Variants in SLC12A7 observed in about 807,000 individuals in gnomAD.
SLC12A7 encodes K-Cl cotransporter 4.
In SLC12A7, 100 loss-of-function variants were observed where a neutral mutation model predicts 120.6. That is an observed-to-expected ratio of 0.83 (90% CI 0.71 to 0.98). SLC12A7 has a LOEUF of 0.98. Among genes scored for constraint, SLC12A7 ranks in the 50% least tolerant of loss-of-function variants. The probability of loss-of-function intolerance (pLI) is 0.00; values close to 1 mark genes in which losing one functional copy is unlikely to be tolerated. For missense variants in SLC12A7, 1,373 were observed against 1,548.1 expected (o/e 0.89, Z 1.90); for synonymous variants, 760 against 678.0 (o/e 1.12, Z -1.88).
chr5:1,111,349 C>G (rs1008625684), intron 1 of SLC12A7, among the ~76,000 whole-genome samples: 1 of 152,168 alleles, frequency 6.6e-6, no homozygotes, highest in Non-Finnish European at 1.5e-5. Context: ...CCCTCCCCAG[C>G]CAGGGCGCAG....
intron 20 of SLC12A7, among the ~76,000 whole-genome samples, chr5:1,060,686 C>T (rs770248755): frequency 1.3e-5 from 2 of 152,180 alleles, no homozygotes; most frequent in Non-Finnish European, 1.5e-5. Flanking sequence ...CCCCGGGACC[C>T]TCCGACCGGG....
chr5:1,063,836 G>C lies in SLC12A7; in HGVS notation c.2739+8C>G. ...CCGGCCTCCTCCCCTCAAGCCCTCGGGACTCACCATCTCCACCACCTCCAC... is the reference window on the plus strand; with the variant it reads ...CCGGCCTCCTCCCCTCAAGCCCTCGCGACTCACCATCTCCACCACCTCCAC... On this transcript the variant is annotated splice_region_variant and intron_variant, in intron 20 of 23. Transcript: ENST00000264930. The C allele has an allele frequency of 7.6e-7, 1 of 1,319,918 alleles. No individual in the cohort carries two copies. The highest frequency in any genetic ancestry group is 1.0e-6 in the Non-Finnish European group (1 of 965,922). 81.8% of individuals were successfully genotyped at this position (1,319,918 alleles called of 1,614,324 possible).
the SLC12A7 span, among the ~76,000 whole-genome samples, chr5:1,121,859 C>A: frequency 6.6e-6 from 1 of 152,180 alleles, no homozygotes; most frequent in Admixed American, 6.5e-5. Flanking sequence ...TCCTGCAGGC[C>A]TTGGAGGCCA....
chr5:1,110,891 G>A (rs575026135), intron 1 of SLC12A7, among the ~76,000 whole-genome samples: 1 of 152,314 alleles, frequency 6.6e-6, no homozygotes, highest in African/African-American at 2.4e-5. Context: ...CCGTGTCTCC[G>A]GGTTCCTAAA....
intron 20 of SLC12A7, 27 bp from the exon 21 acceptor site, chr5:1,060,478 G>A: frequency 6.5e-7 from 1 of 1,549,498 alleles, no homozygotes; most frequent in Non-Finnish European, 8.9e-7. Flanking sequence ...CACGTAGTAA[G>A]CCCGGTGTGC....
At chr5:1,056,338 G>A (rs1735606975) in intron 22 of SLC12A7, among the ~76,000 whole-genome samples, 1 of 152,206 alleles carries the variant, frequency 6.6e-6, no homozygotes, top group African/African-American at 2.4e-5. Flanking sequence ...GCCTCACTTA[G>A]GAAGAGGCTT....
chr5:1,092,550 A>G (rs1264213146), intron 3 of SLC12A7, among the ~76,000 whole-genome samples: 2 of 152,184 alleles, frequency 1.3e-5, no homozygotes, highest in African/African-American at 4.8e-5. Flanking sequence ...TAAGGAAAAT[A>G]ATAGGGGAAT....
the SLC12A7 span, among the ~76,000 whole-genome samples, chr5:1,124,903 C>T: frequency 2.6e-5 from 4 of 152,178 alleles, no homozygotes; most frequent in African/African-American, 4.8e-5. Context: ...GATGACGCCC[C>T]GCTTCAGCAA....
intron 18 of SLC12A7, 39 bp downstream of exon 18, chr5:1,065,244 A>G: frequency 6.9e-7 from 1 of 1,445,066 alleles, no homozygotes; most frequent in South Asian, 1.3e-5. Context: ...CACAGAGGGG[A>G]CGGTGAGGGG....
At chr5:1,119,717 C>T in the SLC12A7 span, among the ~76,000 whole-genome samples, 3 of 152,260 alleles carry the variant, frequency 2.0e-5, no homozygotes, top group Admixed American at 1.3e-4. Flanking sequence ...CCCAGGCACG[C>T]GGTGGCTCTG....
chr5:1,096,177 G>C (rs1733916821), intron 1 of SLC12A7, among the ~76,000 whole-genome samples: 1 of 152,192 alleles, frequency 6.6e-6, no homozygotes, highest in African/African-American at 2.4e-5. Context: ...CTTGCTTTTA[G>C]GAAATACGCC....
rs760786838 is a variant in SLC12A7 at position 1,063,807 on chromosome 5, C to T, written c.2739+37G>A. Reference sequence around the variant, plus strand: ...GCCGCCCCCCACCTCCTCCCCACCTCCCCCCGGCCTCCTCCCCTCAAGCCC... The same window carrying T: ...GCCGCCCCCCACCTCCTCCCCACCTTCCCCCGGCCTCCTCCCCTCAAGCCC... On this transcript the variant is annotated intron_variant, in intron 20 of 23. Transcript: ENST00000264930. 6.6e-5 allele frequency: 47 copies of T among 714,526 alleles called. No individual in the cohort carries two copies. The South Asian group carries it at 9.4e-4, about 14-fold the overall frequency. The allele number at this position is 714,526 out of a possible 1,614,324, so 44.3% of individuals were successfully genotyped here. A position where few individuals can be genotyped will look rare whatever the true frequency, so the allele number is the denominator to read the frequency against.
At chr5:1,092,288 G>A (rs982030178) in intron 3 of SLC12A7, among the ~76,000 whole-genome samples, 36 of 152,266 alleles carry the variant, frequency 2.4e-4, no homozygotes, top group African/African-American at 8.4e-4. Flanking sequence ...CTGGCAGGAG[G>A]CACTCAGGGG....
intron 17 of SLC12A7, 63 bp downstream of exon 17, chr5:1,073,570 G>C (rs1737951842): frequency 6.6e-7 from 1 of 1,516,364 alleles, no homozygotes. Flanking sequence ...GACATGCCAG[G>C]GCACGTTTCC....
chr5:1,113,018 G>A (rs1476993721), upstream of SLC12A7, among the ~76,000 whole-genome samples: 1 of 152,106 alleles, frequency 6.6e-6, no homozygotes, highest in Non-Finnish European at 1.5e-5. Flanking sequence ...ATGCAGGGAA[G>A]GTGGAGTTCC....
intron 17 of SLC12A7, among the ~76,000 whole-genome samples, chr5:1,066,974 C>T (rs373880070): frequency 2.0e-5 from 3 of 152,246 alleles, no homozygotes; most frequent in Non-Finnish European, 4.4e-5. Context: ...CCTCCTTTGC[C>T]GAGATTCCAG....
the SLC12A7 span, among the ~76,000 whole-genome samples, chr5:1,155,034 C>G: frequency 6.6e-6 from 1 of 152,228 alleles, no homozygotes; most frequent in East Asian, 1.9e-4. Context: ...CAGGGCCCTC[C>G]TCAGCCCACT....
At chr5:1,144,126 C>A in the SLC12A7 span, among the ~76,000 whole-genome samples, 1 of 152,046 alleles carries the variant, frequency 6.6e-6, no homozygotes, top group Non-Finnish European at 1.5e-5. Flanking sequence ...CTGGACGCAC[C>A]CACCACCCTC....
chr5:1,085,027 G>A (rs556577094), intron 7 of SLC12A7, among the ~76,000 whole-genome samples: 39 of 152,326 alleles, frequency 2.6e-4, no homozygotes, highest in Non-Finnish European at 4.3e-4. Flanking sequence ...GCTCAGACCC[G>A]GCCACGAGGG....
Sources: gnomAD v4.1 joint callset for allele counts (sites outside exome capture counted in the v4.1 genomes callset) on GRCh38, gnomAD v4.1.1 for gene constraint, MANE v1.5 for transcripts, NCBI Gene and HGNC (gene_info 2026-07-23, HGNC 2026-07-21) for gene names.